The following TPR variants were observed in gnomAD, a reference collection of about 807,000 sequenced individuals.
TPR encodes translocated promoter region, nuclear basket protein.
In TPR, 51 loss-of-function variants were observed where a neutral mutation model predicts 316.1. The ratio of observed to expected loss-of-function variants is 0.16; its 90% CI spans 0.13 to 0.20. TPR has a LOEUF of 0.20. Among genes scored for constraint, TPR ranks in the 10% least tolerant of loss-of-function variants. The pLI is 1.00. For synonymous variants in TPR, 981 were observed against 914.7 expected, an observed-to-expected ratio of 1.07 and a Z score of -1.31; for missense variants, 2,272 against 2,754.8, an observed-to-expected ratio of 0.82 and a Z score of 3.92.
rs753712651 is a variant in TPR, at chr1:186,346,167, T to C, written c.3064A>G (p.Lys1022Glu). 6.2e-7 allele frequency: 1 copy of C among 1,613,070 alleles called. No individual in the cohort carries two copies. The highest frequency in any genetic ancestry group is 8.5e-7 in the Non-Finnish European group (1 of 1,179,538). The change falls in exon 23 of 51, where the codon AAA becomes GAA. Residue 1022 changes from lysine (K) to glutamate (E), a missense_variant. By Grantham distance (56) the Lys-to-Glu change is moderately conservative. Transcript: ENST00000367478. ...EKEKQELQDDKRRAIESMEQQ... is the reference protein window; with the variant it reads ...EKEKQELQDDERRAIESMEQQ... ...TCCATGCTCTCTATGGCTCTTCTTTTATCATCCTGAAGTTCTTGTTTTTCC... is the reference window on the plus strand; with the variant it reads ...TCCATGCTCTCTATGGCTCTTCTTTCATCATCCTGAAGTTCTTGTTTTTCC...
chr1:186,362,229 AAC>A, intron 7 of TPR, 57 bp downstream of exon 7: 1 of 1,394,618 alleles, frequency 7.2e-7, no homozygotes, highest in East Asian at 2.3e-5. Flanking sequence ...TTTGTGAAAT[AAC>A]AGCTTCGTAA....
rs1365571286 is a variant in TPR at position 186,331,502 on chromosome 1, C to T, written c.5684G>A (p.Gly1895Glu). ...VYNQDSQDSI[G>E]EGVTQGDYTP... ...TTTAGGTATGTTTTTACTTACTTCTCCAATGGAATCTTGAGAATCCTGGTT... is the reference window on the plus strand; with the variant it reads ...TTTAGGTATGTTTTTACTTACTTCTTCAATGGAATCTTGAGAATCCTGGTT... Residue 1895 changes from glycine (G) to glutamate (E), a missense_variant, in exon 39 of 51, where the codon GGA becomes GAA. Coordinates refer to ENST00000367478, the MANE Select transcript of TPR (RefSeq NM_003292.3). 3 of 1,606,634 alleles carry T rather than the reference C, an allele frequency of 1.9e-6. No homozygotes were observed. In the Admixed American group the frequency reaches 5.1e-5, roughly 27 times the overall value.
rs571018678 is a variant in TPR at position 186,346,139 on chromosome 1, T to C, written c.3092A>G (p.Gln1031Arg). The C allele has an allele frequency of 3.7e-6, 6 of 1,603,442 alleles. No individual in the cohort carries two copies. Among genetic ancestry groups the C allele is most frequent in the South Asian group, 3.4e-5 (3 of 88,754 alleles). Residue 1031 changes from glutamine (Q) to arginine (R), a missense_variant, in exon 23 of 51, where the codon CAA (glutamine) becomes CGA (arginine). Gln to Arg is a conservative substitution (Grantham distance 43). Around this residue, in one of 10 missense-constraint regions of TPR, gnomAD observed 757 missense variants for 859.8 expected, o/e 0.88. Transcript: ENST00000367478. ...TAATACGGTTAACCTATTTACCTGT[T>C]GTTCCATGCTCTCTATGGCTCTTCT... ...DKRRAIESME[Q>R]QLSELKKTLS...
At chr1:186,340,697 C>G (rs894989814) in intron 29 of TPR, among the ~76,000 whole-genome samples, 2 of 152,080 alleles carry the variant, frequency 1.3e-5, no homozygotes, top group Admixed American at 1.3e-4. Flanking sequence ...TCCGAAAGTG[C>G]TGGGATTACA....
rs1657336428 is a variant in TPR at position 186,312,433 on chromosome 1, A to G, written c.*1538T>C. 33 of 1,444,348 alleles carry G rather than the reference A, an allele frequency of 2.3e-5. No individual in the cohort carries two copies. The highest frequency in any genetic ancestry group is 3.1e-5 in the Non-Finnish European group (33 of 1,054,564). 89.5% of individuals were successfully genotyped at this position (1,444,348 alleles called of 1,614,324 possible). On this transcript the variant is annotated 3_prime_UTR_variant, in exon 51 of 51. Coordinates refer to ENST00000367478, the MANE Select transcript of TPR (RefSeq NM_003292.3). ...ATAAGTAGATGTAATACAGTTTCTT[A>G]TACAGTAAGGCTTATGAAATATGGA...
chr1:186,322,503 TG>T lies in TPR; in HGVS notation c.6366+14del. 6.2e-7 allele frequency: 1 copy of T among 1,613,610 alleles called. No individual in the cohort carries two copies. Among genetic ancestry groups the T allele is most frequent in the South Asian group, 1.1e-5 (1 of 91,070 alleles). ...CAAGAAATGAATTACTTTTACATAA[TG>T]GGTAAGTACTTACCATGCCACCTAT... On this transcript the variant is annotated intron_variant, in intron 44 of 50. Transcript: ENST00000367478.
intron 2 of TPR, among the ~76,000 whole-genome samples, chr1:186,371,445 T>C (rs998695307): frequency 1.5e-4 from 23 of 152,164 alleles, no homozygotes; most frequent in African/African-American, 5.3e-4. Flanking sequence ...ATAACATGTA[T>C]ATACAGCAAA....
rs759126698 is a variant in TPR, at chr1:186,323,740, A to G, written c.6243T>C (p.Leu2081=). The stretch of plus-strand genomic sequence containing the variant: ...GGGCATGAATGGTCAGTCTTGGGGG[A>G]AGTGGATGTGGTGGGCGTCTCGGTG... ...PQSPRRPPHP[L]PPRLTIHAPP... Residue 2081 remains leucine, a synonymous_variant, in exon 43 of 51, where the codon CTT becomes CTC. Coordinates refer to ENST00000367478, the MANE Select transcript of TPR (RefSeq NM_003292.3). 1 of 1,537,298 alleles carries G rather than the reference A, an allele frequency of 6.5e-7. No homozygotes were observed. The highest frequency in any genetic ancestry group is 8.7e-7 in the Non-Finnish European group (1 of 1,153,314).
chr1:186,364,585 A>G (rs1383737189), intron 4 of TPR, among the ~76,000 whole-genome samples: 1 of 152,192 alleles, frequency 6.6e-6, no homozygotes, highest in Non-Finnish European at 1.5e-5. Flanking sequence ...GACAACTAAA[A>G]GCAAAAGGAA....
chr1:186,354,027 AG>A (rs1658950034), intron 17 of TPR, 177 bp from the exon 18 acceptor site: 1 of 522,094 alleles, frequency 1.9e-6, no homozygotes, highest in African/African-American at 1.9e-5. Context: ...AAATAACTCC[AG>A]GAACAGTTTT....
At position 186,343,858 on chromosome 1, in the gene TPR, T is replaced by G. The variant is rs2102075341; in HGVS notation, c.3602+48A>C. Reference sequence around the variant, plus strand: ...CTAATTTATATATTTGTAGTTTCATTTCATAGTTGTTATACCACAGAAATG... The same window carrying G: ...CTAATTTATATATTTGTAGTTTCATGTCATAGTTGTTATACCACAGAAATG... On this transcript the variant is annotated intron_variant, in intron 26 of 50. Coordinates refer to ENST00000367478, the MANE Select transcript of TPR (RefSeq NM_003292.3). 2.7e-6 allele frequency: 4 copies of G among 1,464,358 alleles called. No homozygotes were observed. The South Asian group carries it at 3.8e-5, about 14-fold the overall frequency. 90.7% of individuals were successfully genotyped at this position (1,464,358 alleles called of 1,614,324 possible).
intron 13 of TPR, among the ~76,000 whole-genome samples, chr1:186,357,958 G>A (rs1369538577): frequency 2.6e-5 from 4 of 151,896 alleles, no homozygotes; most frequent in Non-Finnish European, 5.9e-5. Flanking sequence ...TATATGATAG[G>A]GCAGAGCATG....
intron 27 of TPR, 99 bp downstream of exon 27, chr1:186,343,227 A>T: frequency 7.0e-7 from 1 of 1,425,266 alleles, no homozygotes; most frequent in Non-Finnish European, 9.4e-7. Context: ...AAGAATGCTT[A>T]CTTCAAGTTA....
chr1:186,313,028 A>G lies in TPR; in HGVS notation c.*943T>C. 1.0e-6 allele frequency: 1 copy of G among 966,418 alleles called. No individual in the cohort carries two copies. The highest frequency in any genetic ancestry group is 1.4e-5 in the South Asian group (1 of 72,064). The allele number at this position is 966,418 out of a possible 1,614,324, so 59.9% of individuals were successfully genotyped here. A position where few individuals can be genotyped will look rare whatever the true frequency, so the allele number is the denominator to read the frequency against. On this transcript the variant is annotated 3_prime_UTR_variant, in exon 51 of 51. Coordinates refer to ENST00000367478, the MANE Select transcript of TPR (RefSeq NM_003292.3). ...ACGGTACTTATTCTAATTGCTGTGG[A>G]AAAGAGTTAAGACTTTTGCTTTAAT...
intron 24 of TPR, among the ~76,000 whole-genome samples, 199 bp downstream of exon 24, chr1:186,345,381 G>A (rs1203388647): frequency 1.3e-5 from 2 of 152,034 alleles, no homozygotes; most frequent in Admixed American, 6.5e-5. Context: ...TGTCAAGATT[G>A]CTTTGTTAAT....
At chr1:186,374,564 C>CTCTA (rs1659643608) in intron 1 of TPR, among the ~76,000 whole-genome samples, 1 of 152,300 alleles carries the variant, frequency 6.6e-6, no homozygotes, top group Non-Finnish European at 1.5e-5. Flanking sequence ...ATATAAGGTA[C>CTCTA]TCTAGGCTTA....
intron 20 of TPR, 117 bp downstream of exon 20, chr1:186,351,213 A>T (rs1658852183): frequency 8.0e-7 from 1 of 1,248,996 alleles, no homozygotes; most frequent in East Asian, 2.6e-5. Flanking sequence ...GGCAAGAAAA[A>T]CTTAGTAACA....
intron 4 of TPR, among the ~76,000 whole-genome samples, chr1:186,365,153 T>C (rs1047502117): frequency 6.2e-5 from 9 of 145,066 alleles, no homozygotes; most frequent in African/African-American, 2.3e-4. Flanking sequence ...TGGAGTGTAG[T>C]GGCATTATCT....
chr1:186,358,703 C>A (rs1558030009), intron 12 of TPR, 53 bp from the exon 13 acceptor site: 4 of 1,468,374 alleles, frequency 2.7e-6, no homozygotes, highest in Non-Finnish European at 3.8e-6. Context: ...AGGATTTATA[C>A]AAGTAATAAA....
Sources: gnomAD v4.1 joint callset for allele counts (sites outside exome capture counted in the v4.1 genomes callset) on GRCh38, gnomAD v4.1.1 for gene constraint, gnomAD v4.1.1 regional missense constraint, MANE v1.5 for transcripts, NCBI Gene and HGNC (gene_info 2026-07-23, HGNC 2026-07-21) for gene names.